Variants in ATRX observed in about 807,000 individuals in gnomAD.
The protein encoded by ATRX is ATRX chromatin remodeler.
A neutral mutation model predicts 172.6 loss-of-function variants in ATRX; 12 were observed. The observed-to-expected ratio is 0.07, with a 90% CI of 0.04 to 0.11. The LOEUF is 0.11. Ranked by LOEUF, ATRX falls within the 10% of genes least tolerant of loss-of-function variation. ATRX has a pLI of 1.00. For missense variants in ATRX, 1,368 were observed against 1,767.4 expected (o/e 0.77, Z 4.05); for synonymous variants, 674 against 594.7 (o/e 1.13, Z -1.94).
intron 30 of ATRX, among the ~76,000 whole-genome samples, chrX:77,530,903 C>A (rs1557046138): frequency 9.0e-6 from 1 of 111,500 alleles, no homozygotes; most frequent in African/African-American, 3.3e-5. Context: ...AAAGAAGAAT[C>A]AAATAAAATA....
intron 20 of ATRX, among the ~76,000 whole-genome samples, chrX:77,619,624 G>A: frequency 9.0e-6 from 1 of 111,106 alleles, no homozygotes; most frequent in Non-Finnish European, 1.9e-5. Flanking sequence ...TATAAATAGG[G>A]TAACAGAATA....
At chrX:77,529,681 C>A (rs956705468) in intron 30 of ATRX, among the ~76,000 whole-genome samples, 2 of 111,451 alleles carry the variant, frequency 1.8e-5, no homozygotes, top group Non-Finnish European at 3.8e-5. Flanking sequence ...AAAGAAAAAA[C>A]CATTATCAGC....
At position 77,620,169 on chromosome X, in the gene ATRX, A is replaced by G. The variant is rs45597134; in HGVS notation, c.5272+226T>C. ...AATAATTCACATTCCATATTTATAT[A>G]TGAACATTCACAATAGCGTATCTCT... On this transcript the variant is annotated intron_variant, in intron 20 of 34. Coordinates refer to ENST00000373344, the MANE Select transcript of ATRX (RefSeq NM_000489.6). Among the ~76,000 whole-genome samples, 417 of 112,407 alleles carry G rather than the reference A, an allele frequency of 3.7e-3. 1 individual carries two copies. The highest frequency in any genetic ancestry group is 6.1e-3 in the Non-Finnish European group (324 of 53,267).
chrX:77,777,191 TAAAAAAAAAAAAAAAAAA>T (rs782165810), intron 1 of ATRX, among the ~76,000 whole-genome samples: 4 of 21,042 alleles, frequency 1.9e-4, no homozygotes, highest in Non-Finnish European at 2.4e-4. Context: ...CTGTCTCTAC[TAAAAAAAAAAAAAAAAAA>T]AAAAAAAAAA....
Position 77,786,050 on chromosome X carries a change from C to G in ATRX, c.-49G>C, listed in dbSNP as rs1215142361. On this transcript the variant is annotated 5_prime_UTR_variant, in exon 1 of 35. Coordinates refer to ENST00000373344, the MANE Select transcript of ATRX (RefSeq NM_000489.6). ...GCTTCTGTGATTGCTGGGCGCCGAT[C>G]TGCGCTCCCCCGCGCCCGGTTACGA... 2.6e-6 allele frequency: 3 copies of G among 1,159,400 alleles called. No homozygotes were observed. Among genetic ancestry groups the G allele is most frequent in the Admixed American group, 2.5e-5 (1 of 40,057 alleles).
intron 20 of ATRX, among the ~76,000 whole-genome samples, chrX:77,619,732 T>C (rs1441755298): frequency 1.8e-5 from 2 of 110,720 alleles, no homozygotes; most frequent in South Asian, 7.4e-4. Flanking sequence ...AAAGTTACCA[T>C]AAATACACTA....
chrX:77,689,052 T>C (rs1465671865), intron 6 of ATRX, 125 bp from the exon 7 acceptor site: 1 of 554,400 alleles, frequency 1.8e-6, no homozygotes, highest in African/African-American at 2.2e-5. Flanking sequence ...AAATGGCATA[T>C]TGGACACAAG....
intron 30 of ATRX, among the ~76,000 whole-genome samples, chrX:77,533,569 G>A (rs1422633082): frequency 3.6e-5 from 4 of 111,156 alleles, no homozygotes; most frequent in Non-Finnish European, 7.5e-5. Flanking sequence ...TTATAAAGTG[G>A]GACCTGATCG....
chrX:77,596,261 G>C (rs2066461487), intron 25 of ATRX: 1 of 111,031 alleles, frequency 9.0e-6, no homozygotes, highest in Non-Finnish European at 1.9e-5. Context: ...TTATGAGACC[G>C]ATGTGCTGCC....
intron 22 of ATRX, among the ~76,000 whole-genome samples, chrX:77,601,766 G>A (rs1465183636): frequency 9.0e-6 from 1 of 111,580 alleles, no homozygotes; most frequent in South Asian, 3.7e-4. Context: ...TTGCCTCCAC[G>A]AGTGAGAGAA....
intron 7 of ATRX, among the ~76,000 whole-genome samples, chrX:77,687,904 T>C (rs1295656168): frequency 8.9e-6 from 1 of 111,951 alleles, no homozygotes; most frequent in African/African-American, 3.3e-5. Flanking sequence ...AGCAGGAATA[T>C]GAGTTAAGAA....
At chrX:77,560,647 C>T (rs1426820896) in intron 28 of ATRX, among the ~76,000 whole-genome samples, 9 of 111,219 alleles carry the variant, frequency 8.1e-5, no homozygotes, top group African/African-American at 2.9e-4. Flanking sequence ...ATAGCATTCA[C>T]TATACACTAG....
Position 77,663,577 on chromosome X carries a change from T to G in ATRX, c.3944-19A>C. 2 of 1,182,037 alleles carry G rather than the reference T, an allele frequency of 1.7e-6. No individual in the cohort carries two copies. The highest frequency in any genetic ancestry group is 2.3e-6 in the Non-Finnish European group (2 of 872,024). Reference sequence around the variant, plus strand: ...TTTGCTTCTAAATGAAGGAAATAAATCAATAAAACCTTCTTCAGCCTTTAA... The same window carrying G: ...TTTGCTTCTAAATGAAGGAAATAAAGCAATAAAACCTTCTTCAGCCTTTAA... On this transcript the variant is annotated intron_variant, in intron 11 of 34. Coordinates refer to ENST00000373344, the MANE Select transcript of ATRX (RefSeq NM_000489.6).
At chrX:77,627,341 C>T (rs782100297) in intron 19 of ATRX, among the ~76,000 whole-genome samples, 121 of 112,148 alleles carry the variant, frequency 1.1e-3, no homozygotes, top group Non-Finnish European at 2.0e-3. Flanking sequence ...TGTTATTCAT[C>T]ATATTAAATA....
intron 10 of ATRX, among the ~76,000 whole-genome samples, chrX:77,673,256 A>G (rs1277027145): frequency 9.0e-6 from 1 of 111,440 alleles, no homozygotes; most frequent in African/African-American, 3.2e-5. Context: ...ATGTCTTTTC[A>G]GAGAAAGAAC....
At chrX:77,772,748 T>C (rs1384943634) in intron 1 of ATRX, among the ~76,000 whole-genome samples, 1 of 110,045 alleles carries the variant, frequency 9.1e-6, no homozygotes, top group Non-Finnish European at 1.9e-5. Context: ...CCCAAAGTGC[T>C]GGGATCACTC....
intron 34 of ATRX, among the ~76,000 whole-genome samples, chrX:77,518,689 T>C (rs1395427956): frequency 3.6e-5 from 4 of 111,090 alleles, no homozygotes; most frequent in South Asian, 3.7e-4. Context: ...AGACCCACAA[T>C]AGGCAAAGCT....
intron 10 of ATRX, among the ~76,000 whole-genome samples, chrX:77,668,485 G>A (rs1254578625): frequency 9.0e-6 from 1 of 111,654 alleles, no homozygotes; most frequent in Admixed American, 9.5e-5. Context: ...GGCAGGTGTA[G>A]CATCCAAAGC....
At chrX:77,550,008 T>A (rs1173023302) in intron 30 of ATRX, among the ~76,000 whole-genome samples, 1 of 111,702 alleles carries the variant, frequency 9.0e-6, no homozygotes, top group Non-Finnish European at 1.9e-5. Flanking sequence ...ATAAAAATAA[T>A]AAAGTAATGA....
Sources: gnomAD v4.1 joint callset for allele counts (sites outside exome capture counted in the v4.1 genomes callset) on GRCh38, gnomAD v4.1.1 for gene constraint, MANE v1.5 for transcripts, NCBI Gene and HGNC (gene_info 2026-07-23, HGNC 2026-07-21) for gene names.